CAMK4: variants seen among roughly 807,000 people sequenced by gnomAD.
CAMK4 encodes the protein calcium/calmodulin dependent protein kinase IV.
A neutral mutation model predicts 44.9 loss-of-function variants in CAMK4; 22 were observed. The ratio of observed to expected loss-of-function variants is 0.49; its 90% CI spans 0.35 to 0.70. CAMK4 has a LOEUF of 0.70. Among genes scored for constraint, CAMK4 ranks in the 30% least tolerant of loss-of-function variants. The pLI, the probability that CAMK4 is intolerant of heterozygous loss-of-function variation, is 0.01. For synonymous variants in CAMK4, 218 were observed against 215.4 expected, an observed-to-expected ratio of 1.01 and a Z score of -0.11; for missense variants, 498 against 586.8, an observed-to-expected ratio of 0.85 and a Z score of 1.56.
intron 5 of CAMK4, among the ~76,000 whole-genome samples, chr5:111,403,534 A>G (rs1752307009): frequency 6.6e-6 from 1 of 152,172 alleles, no homozygotes; most frequent in South Asian, 2.1e-4. Context: ...GTAAAAAGTA[A>G]AAGTGGTTTA....
At chr5:111,247,523 T>C (rs981402000) in intron 1 of CAMK4, among the ~76,000 whole-genome samples, 1 of 150,294 alleles carries the variant, frequency 6.7e-6, no homozygotes, top group African/African-American at 2.4e-5. Flanking sequence ...TTATTTTATT[T>C]ATAAATAAAT....
intron 2 of CAMK4, among the ~76,000 whole-genome samples, chr5:111,357,011 GC>G (rs1446642965): frequency 6.6e-6 from 1 of 152,012 alleles, no homozygotes; most frequent in Non-Finnish European, 1.5e-5. Flanking sequence ...GAGTGCTGTT[GC>G]CCAAAAGATG....
intron 1 of CAMK4, among the ~76,000 whole-genome samples, chr5:111,226,015 C>T (rs1049605186): frequency 2.0e-5 from 3 of 152,072 alleles, no homozygotes; most frequent in East Asian, 1.9e-4. Context: ...TTGTATGATG[C>T]GTGACAGTGG....
intron 7 of CAMK4, among the ~76,000 whole-genome samples, chr5:111,467,934 TCACACACACACACACA>T (rs60254627): frequency 7.0e-6 from 1 of 143,348 alleles, no homozygotes; most frequent in Non-Finnish European, 1.5e-5. Context: ...AAAGAAATTG[TCACACACACACACACA>T]CACACACACA....
intron 1 of CAMK4, among the ~76,000 whole-genome samples, chr5:111,246,725 A>T (rs1174331340): frequency 6.6e-6 from 1 of 152,144 alleles, no homozygotes; most frequent in African/African-American, 2.4e-5. Context: ...CTGTACACTA[A>T]TTGACCTAGG....
chr5:111,407,347 T>TA (rs11410135), intron 5 of CAMK4, among the ~76,000 whole-genome samples: 74,275 of 136,514 alleles, frequency 0.54, 20,170 homozygotes, highest in African/African-American at 0.67. Context: ...AGAGACTCCT[T>TA]AAAAAAAAAA....
intron 5 of CAMK4, among the ~76,000 whole-genome samples, chr5:111,431,748 G>A (rs1164257716): frequency 6.6e-6 from 1 of 152,016 alleles, no homozygotes; most frequent in South Asian, 2.1e-4. Flanking sequence ...TGGCAAACAG[G>A]CATATGAAAA....
At chr5:111,319,228 T>C (rs1748559895) in intron 1 of CAMK4, among the ~76,000 whole-genome samples, 2 of 152,226 alleles carry the variant, frequency 1.3e-5, no homozygotes, top group South Asian at 4.2e-4. Flanking sequence ...CCAATAGTAG[T>C]AGTGATTAAT....
At chr5:111,229,106 C>T (rs147069958) in intron 1 of CAMK4, among the ~76,000 whole-genome samples, 1 of 152,328 alleles carries the variant, frequency 6.6e-6, no homozygotes, top group African/African-American at 2.4e-5. Flanking sequence ...GGGCTTCAGC[C>T]AATGTTCTTG....
intron 1 of CAMK4, among the ~76,000 whole-genome samples, chr5:111,316,942 A>G (rs1033444889): frequency 6.6e-5 from 10 of 152,188 alleles, no homozygotes; most frequent in Non-Finnish European, 1.0e-4. Flanking sequence ...TTGTAATTGT[A>G]TCCTAATATA....
intron 5 of CAMK4, among the ~76,000 whole-genome samples, chr5:111,422,721 C>T (rs1476557884): frequency 6.6e-6 from 1 of 152,190 alleles, no homozygotes; most frequent in Non-Finnish European, 1.5e-5. Flanking sequence ...TTTCCTTCAC[C>T]TATAATAAAT....
chr5:111,246,601 C>T lies in CAMK4; in HGVS notation c.161+21957C>T, dbSNP rs949831797. ...CAGCTTCCCTCATGGTAGCAAAATG[C>T]AGCATTTAAGTCCTCCTACTGGCAG... On this transcript the variant is annotated intron_variant, in intron 1 of 10. Coordinates refer to ENST00000282356, the MANE Select transcript of CAMK4 (RefSeq NM_001744.6). 2.6e-5 allele frequency among the ~76,000 whole-genome samples: 4 copies of T among 152,148 alleles called. No homozygotes were observed. In the East Asian group the frequency reaches 5.8e-4, roughly 22 times the overall value.
intron 5 of CAMK4, among the ~76,000 whole-genome samples, chr5:111,429,812 G>A (rs866320439): frequency 0.011 from 749 of 71,090 alleles, 6 homozygotes; most frequent in African/African-American, 0.037. Context: ...AAAAAAAGCC[G>A]TAATAAAAAA....
At chr5:111,264,839 G>A (rs1331410365) in intron 1 of CAMK4, among the ~76,000 whole-genome samples, 2 of 152,018 alleles carry the variant, frequency 1.3e-5, no homozygotes, top group South Asian at 2.1e-4. Flanking sequence ...TTTCCCTGAG[G>A]TCTGATGTTG....
rs3066636 is a variant in CAMK4, at chr5:111,317,898, T to TAAAAAAAAAAAAAAAAAAAAAAAA, written c.162-26119_162-26096dup. Among the ~76,000 whole-genome samples the TAAAAAAAAAAAAAAAAAAAAAAAA allele has an allele frequency of 1.6e-4, 11 of 69,832 alleles. 1 individual carries two copies. Among genetic ancestry groups the TAAAAAAAAAAAAAAAAAAAAAAAA allele is most frequent in the East Asian group, 7.0e-4 (1 of 1,424 alleles). 45.8% of individuals were successfully genotyped at this position (69,832 alleles called of 152,430 possible). A position where few individuals can be genotyped will look rare whatever the true frequency, so the allele number is the denominator to read the frequency against. On this transcript the variant is annotated intron_variant, in intron 1 of 10. Coordinates refer to ENST00000282356, the MANE Select transcript of CAMK4 (RefSeq NM_001744.6). ...ATCCTAAAGCCGGTGGAGTAATATG[T>TAAAAAAAAAAAAAAAAAAAAAAAA]AAAAAAAAAAAAAAAAAAAAAAAAA...
At chr5:111,428,664 A>AG (rs1486505758) in intron 5 of CAMK4, among the ~76,000 whole-genome samples, 3 of 152,230 alleles carry the variant, frequency 2.0e-5, no homozygotes, top group Non-Finnish European at 2.9e-5. Flanking sequence ...GCTTGAAGAC[A>AG]GGCTGATTGA....
chr5:111,370,444 T>C (rs1403124611), intron 2 of CAMK4, among the ~76,000 whole-genome samples: 3 of 152,126 alleles, frequency 2.0e-5, no homozygotes, highest in Non-Finnish European at 2.9e-5. Context: ...CACTTTACAT[T>C]GATCAGAAAT....
intron 1 of CAMK4, among the ~76,000 whole-genome samples, chr5:111,332,124 C>G (rs908769630): frequency 2.6e-5 from 4 of 151,488 alleles, no homozygotes; most frequent in African/African-American, 9.7e-5. Context: ...TATATGTGCA[C>G]AATGTGCAAG....
At chr5:111,377,929 A>G (rs1332407806) in intron 4 of CAMK4, among the ~76,000 whole-genome samples, 2 of 152,114 alleles carry the variant, frequency 1.3e-5, no homozygotes, top group African/African-American at 4.8e-5. Flanking sequence ...AACAACTGCT[A>G]CAATGAATGG....
Sources: allele counts gnomAD v4.1 joint callset (sites outside exome capture counted in the v4.1 genomes callset), GRCh38; gene constraint gnomAD v4.1.1; transcripts MANE v1.5; gene names NCBI Gene and HGNC (gene_info 2026-07-23, HGNC 2026-07-21).